Variants in GOLM2 observed in about 807,000 individuals in gnomAD.
GOLM2 encodes protein GOLM2.
In GOLM2, 26 loss-of-function variants were observed where a neutral mutation model predicts 55.9. The ratio of observed to expected loss-of-function variants is 0.47; its 90% confidence interval spans 0.34 to 0.65. The LOEUF is 0.65. GOLM2 is among the 30% of genes least tolerant of loss of function. GOLM2 has a pLI of 0.01. For missense variants in GOLM2, 486 were observed against 531.8 expected, an observed-to-expected ratio of 0.91 and a Z score of 0.85; for synonymous variants, 165 against 194.6, an observed-to-expected ratio of 0.85 and a Z score of 1.27.
At chr15:44,408,935 C>CCTGCACT (rs954097141) in intron 9 of GOLM2, among the ~76,000 whole-genome samples, 3 of 150,960 alleles carry the variant, frequency 2.0e-5, no homozygotes, top group Admixed American at 6.6e-5. Flanking sequence ...TGCACTCCAG[C>CCTGCACT]CTGGGCAACA....
At chr15:44,389,560 C>T (rs879326302) in intron 8 of GOLM2, among the ~76,000 whole-genome samples, 1 of 152,048 alleles carries the variant, frequency 6.6e-6, no homozygotes, top group Non-Finnish European at 1.5e-5. Flanking sequence ...AAAATAAAAG[C>T]ACTTGATACT....
intron 6 of GOLM2, among the ~76,000 whole-genome samples, chr15:44,349,183 C>T (rs1001787071): frequency 1.4e-5 from 2 of 146,938 alleles, no homozygotes; most frequent in Non-Finnish European, 3.0e-5. Context: ...CGCTTGAACC[C>T]GGGATGCAGA....
At chr15:44,334,863 C>T (rs1463133271) in intron 4 of GOLM2, among the ~76,000 whole-genome samples, 1 of 152,092 alleles carries the variant, frequency 6.6e-6, no homozygotes, top group Non-Finnish European at 1.5e-5. Flanking sequence ...AACCCCATCT[C>T]TACTAAAAAT....
Position 44,343,549 on chromosome 15 carries a change from G to A in GOLM2, c.802+5232G>A, listed in dbSNP as rs1169550227. Among the ~76,000 whole-genome samples, 7 of 152,112 alleles carry A rather than the reference G, an allele frequency of 4.6e-5. No individual in the cohort carries two copies. In the South Asian group the frequency reaches 1.5e-3, roughly 32 times the overall value. ...CAGAGAAAAGAACATATCCTGGCTG[G>A]GCATAGTGGCTCATACCTGTAATCC... On this transcript the variant is annotated intron_variant, in intron 6 of 9. Transcript: ENST00000299957.
intron 1 of GOLM2, among the ~76,000 whole-genome samples, chr15:44,290,297 G>T (rs2078711413): frequency 6.6e-6 from 1 of 152,170 alleles, no homozygotes; most frequent in African/African-American, 2.4e-5. Context: ...TTCTGGGCAG[G>T]ATAGTAGATG....
chr15:44,288,884 T>C lies in GOLM2; in HGVS notation c.-146T>C. The C allele has an allele frequency of 2.9e-6, 2 of 700,468 alleles. No individual in the cohort carries two copies. Among genetic ancestry groups the C allele is most frequent in the Admixed American group, 6.0e-5 (2 of 33,438 alleles). 43.4% of individuals were successfully genotyped at this position (700,468 alleles called of 1,614,324 possible). A position where few individuals can be genotyped will look rare whatever the true frequency, so the allele number is the denominator to read the frequency against. On this transcript the variant is annotated 5_prime_UTR_variant, in exon 1 of 10. Coordinates refer to ENST00000299957, the MANE Select transcript of GOLM2 (RefSeq NM_138423.4). ...CCTGCGGCTTGCGGCCCCGCCCCCT[T>C]CTCCGGCTCGCAGCCGACCGGTAAG...
intron 9 of GOLM2, among the ~76,000 whole-genome samples, chr15:44,410,823 G>C (rs1313684603): frequency 1.3e-5 from 2 of 148,960 alleles, no homozygotes; most frequent in Non-Finnish European, 3.0e-5. Context: ...GATCCCTTGA[G>C]CCCTGGGAAG....
chr15:44,374,567 G>C (rs1444357304), intron 6 of GOLM2, among the ~76,000 whole-genome samples: 1 of 152,154 alleles, frequency 6.6e-6, no homozygotes, highest in Non-Finnish European at 1.5e-5. Flanking sequence ...TCAGCTCATG[G>C]TTCTGCGGGC....
At chr15:44,318,345 G>C (rs2078925664) in intron 1 of GOLM2, among the ~76,000 whole-genome samples, 1 of 152,154 alleles carries the variant, frequency 6.6e-6, no homozygotes, top group African/African-American at 2.4e-5. Context: ...AGTAGTACTT[G>C]GTCTCCCTCC....
chr15:44,368,813 T>TG (rs2079303947), intron 6 of GOLM2, among the ~76,000 whole-genome samples: 2 of 151,024 alleles, frequency 1.3e-5, no homozygotes, highest in African/African-American at 4.9e-5. Context: ...GGATCACCTC[T>TG]CCGTTTGTTT....
chr15:44,391,926 C>A (rs2079493034), intron 8 of GOLM2, among the ~76,000 whole-genome samples: 1 of 152,150 alleles, frequency 6.6e-6, no homozygotes, highest in African/African-American at 2.4e-5. Context: ...TCTCAGCTCA[C>A]CGCAACCTCT....
chr15:44,313,372 A>G (rs79854043), intron 1 of GOLM2, among the ~76,000 whole-genome samples: 4,477 of 152,290 alleles, frequency 0.029, 104 homozygotes, highest in East Asian at 0.1. Flanking sequence ...TAATCTCAGC[A>G]TCTTTTCCCC....
intron 4 of GOLM2, among the ~76,000 whole-genome samples, chr15:44,332,313 T>C (rs570491383): frequency 1.2e-4 from 18 of 152,218 alleles, no homozygotes; most frequent in African/African-American, 4.3e-4. Flanking sequence ...TCCCAGCACT[T>C]TGGGAGGCTG....
At chr15:44,369,079 A>ATTATATATATATATATATATG (rs796346928) in intron 6 of GOLM2, among the ~76,000 whole-genome samples, 1 of 64,524 alleles carries the variant, frequency 1.5e-5, no homozygotes, top group African/African-American at 5.9e-5. Context: ...ATATATATAT[A>ATTATATATATATATATATATG]TATATATATA....
intron 8 of GOLM2, among the ~76,000 whole-genome samples, chr15:44,383,131 A>T (rs557727414): frequency 6.6e-6 from 1 of 151,188 alleles, no homozygotes; most frequent in African/African-American, 2.4e-5. Context: ...ATATACATAT[A>T]CAGAATATAT....
chr15:44,400,866 C>G (rs1383488411), intron 8 of GOLM2, among the ~76,000 whole-genome samples: 1 of 152,138 alleles, frequency 6.6e-6, no homozygotes, highest in Non-Finnish European at 1.5e-5. Context: ...TGAGCCACCA[C>G]GCCTGGCCAC....
intron 6 of GOLM2, among the ~76,000 whole-genome samples, chr15:44,368,407 C>T (rs896105776): frequency 2.0e-5 from 3 of 151,450 alleles, no homozygotes; most frequent in South Asian, 4.2e-4. Flanking sequence ...CATGCTCGGC[C>T]GAGTTACATA....
intron 1 of GOLM2, among the ~76,000 whole-genome samples, chr15:44,292,809 T>C (rs765529962): frequency 2.0e-5 from 3 of 152,060 alleles, no homozygotes; most frequent in Non-Finnish European, 4.4e-5. Flanking sequence ...GTTTTTTTTA[T>C]TGTTATTGTT....
chr15:44,296,386 G>A (rs770002690), intron 1 of GOLM2, among the ~76,000 whole-genome samples: 3 of 152,154 alleles, frequency 2.0e-5, no homozygotes, highest in Non-Finnish European at 4.4e-5. Context: ...TCAGTTTTGA[G>A]GTTTGAAGCT....
Sources: allele counts gnomAD v4.1 joint callset (sites outside exome capture counted in the v4.1 genomes callset), GRCh38; gene constraint gnomAD v4.1.1; transcripts MANE v1.5; gene names NCBI Gene and HGNC (gene_info 2026-07-23, HGNC 2026-07-21).